BNC2: variants seen among roughly 807,000 people sequenced by gnomAD.
BNC2 encodes zinc finger protein basonuclin-2.
In BNC2, 20 loss-of-function variants were observed where a neutral mutation model predicts 76.3. The ratio of observed to expected loss-of-function variants is 0.26; its 90% CI spans 0.18 to 0.38. The LOEUF (loss-of-function observed/expected upper bound fraction) is 0.38, where lower values mean the gene tolerates loss of function less well. Among genes scored for constraint, BNC2 ranks in the 10% least tolerant of loss-of-function variants. The pLI is 1.00. For missense variants in BNC2, 1,382 were observed against 1,399.8 expected (o/e 0.99, Z 0.20); for synonymous variants, 582 against 514.8 (o/e 1.13, Z -1.77).
chr9:16,422,255 G>C (rs749394859), intron 6 of BNC2, among the ~76,000 whole-genome samples: 2 of 152,166 alleles, frequency 1.3e-5, no homozygotes, highest in African/African-American at 4.8e-5. Flanking sequence ...GAAATGTGTA[G>C]ACCAGCTCTG....
At chr9:16,644,763 C>CA (rs1821579213) in intron 3 of BNC2, among the ~76,000 whole-genome samples, 1 of 152,174 alleles carries the variant, frequency 6.6e-6, no homozygotes, top group Non-Finnish European at 1.5e-5. Flanking sequence ...GCCAGCCCAG[C>CA]AACTGTCAAG....
At chr9:16,813,663 T>G (rs1430947406) in intron 1 of BNC2, among the ~76,000 whole-genome samples, 1 of 152,210 alleles carries the variant, frequency 6.6e-6, no homozygotes, top group African/African-American at 2.4e-5. Context: ...ACAAAGCTTC[T>G]AGCTGCAATT....
In BNC2 at chr9:16,623,837, G is replaced by C. The variant is rs187931106; in HGVS notation, c.331-40752C>G. On this transcript the variant is annotated intron_variant, in intron 3 of 6. Transcript: ENST00000380672. ...AAAGGTAAAAAGGATTCAGTAAAAAGCAAAGCAGAAGGTAGGAAATAATGT... is the reference window on the plus strand; with the variant it reads ...AAAGGTAAAAAGGATTCAGTAAAAACCAAAGCAGAAGGTAGGAAATAATGT... Among the ~76,000 whole-genome samples the C allele has an allele frequency of 6.6e-5, 10 of 152,262 alleles. No individual in the cohort carries two copies. In the East Asian group the frequency reaches 1.9e-3, roughly 29 times the overall value.
intron 1 of BNC2, among the ~76,000 whole-genome samples, chr9:16,845,904 C>T (rs541501774): frequency 7.3e-5 from 11 of 151,100 alleles, no homozygotes; most frequent in African/African-American, 2.4e-4. Flanking sequence ...AATCCCAGCA[C>T]TTTGGGAGGC....
chr9:16,586,038 G>C (rs556135806), intron 3 of BNC2, among the ~76,000 whole-genome samples: 1 of 152,234 alleles, frequency 6.6e-6, no homozygotes, highest in South Asian at 2.1e-4. Context: ...AGCCTAACAA[G>C]GGTGCCAGGG....
chr9:16,461,365 C>G (rs1377842868), intron 5 of BNC2, among the ~76,000 whole-genome samples: 1 of 152,126 alleles, frequency 6.6e-6, no homozygotes, highest in African/African-American at 2.4e-5. Context: ...TCCAGAAGAA[C>G]AAGTACAGAA....
At chr9:16,513,131 A>G (rs1822798276) in intron 5 of BNC2, among the ~76,000 whole-genome samples, 1 of 152,108 alleles carries the variant, frequency 6.6e-6, no homozygotes, top group Admixed American at 6.5e-5. Flanking sequence ...CTCTGTCTCA[A>G]ATGAAATAAA....
intron 1 of BNC2, among the ~76,000 whole-genome samples, chr9:16,779,986 C>T (rs1188365235): frequency 2.0e-5 from 3 of 152,162 alleles, no homozygotes; most frequent in Non-Finnish European, 4.4e-5. Context: ...CCTGTGATCC[C>T]AGCACTTTGG....
At chr9:16,685,618 G>C in intron 3 of BNC2, 1 of 1,304,232 alleles carries the variant, frequency 7.7e-7, no homozygotes, top group Non-Finnish European at 1.0e-6. Flanking sequence ...GCCAGTACAT[G>C]CCAATGGAAC....
intron 4 of BNC2, among the ~76,000 whole-genome samples, chr9:16,567,205 T>C (rs1200987085): frequency 6.6e-6 from 1 of 152,194 alleles, no homozygotes; most frequent in Non-Finnish European, 1.5e-5. Context: ...AACTCATTTA[T>C]GTGGGAACAG....
intron 1 of BNC2, among the ~76,000 whole-genome samples, chr9:16,774,967 G>A (rs1825924626): frequency 6.6e-6 from 1 of 152,164 alleles, no homozygotes; most frequent in Admixed American, 6.5e-5. Context: ...TATCTGTCAT[G>A]TACAACAGTA....
chr9:16,842,897 G>T (rs767858538), intron 1 of BNC2, among the ~76,000 whole-genome samples: 7 of 152,222 alleles, frequency 4.6e-5, no homozygotes, highest in Middle Eastern at 6.8e-3. Flanking sequence ...GATTACAGGT[G>T]TGCACCACCA....
chr9:16,833,925 C>T (rs898140488), intron 1 of BNC2, among the ~76,000 whole-genome samples: 3 of 152,186 alleles, frequency 2.0e-5, no homozygotes, highest in Admixed American at 1.3e-4. Context: ...CCTGTCCACA[C>T]CTCCAATGTC....
Position 16,738,422 on chromosome 9 carries a change from C to T in BNC2, c.67G>A (p.Glu23Lys). Residue 23 changes from glutamate (E) to lysine (K), a missense_variant, in exon 2 of 7, where the codon GAG (glutamate) becomes AAG (lysine). By Grantham distance (56) the Glu-to-Lys change is moderately conservative. This residue lies in a region of BNC2 where 557 missense variants were observed against 540.9 expected (regional missense o/e 1.03). Transcript: ENST00000380672. The part of the protein sequence containing the change: ...LNYKSEDRLS[E>K]QDWPAYFKVP... ...TTGAAATATGCTGGCCAGTCTTGCT[C>T]ACTAAGCCTGTCCTCTGATTTGTAA... 2 of 1,614,086 alleles carry T rather than the reference C, an allele frequency of 1.2e-6. No homozygotes were observed. Among genetic ancestry groups the T allele is most frequent in the Non-Finnish European group, 1.7e-6 (2 of 1,179,976 alleles).
intron 3 of BNC2, among the ~76,000 whole-genome samples, chr9:16,664,851 C>A (rs1213176523): frequency 1.7e-5 from 2 of 116,172 alleles, no homozygotes; most frequent in Non-Finnish European, 3.6e-5. Flanking sequence ...AATGTGAGCA[C>A]CAGAATGCTT....
intron 1 of BNC2, 128 bp downstream of exon 1, chr9:16,870,518 C>T (rs1021680499): frequency 1.4e-5 from 15 of 1,047,426 alleles, no homozygotes; most frequent in Admixed American, 4.7e-5. Context: ...TCCTCAGCGC[C>T]CCTTGCCCCT....
At chr9:16,658,462 G>A (rs1208499508) in intron 3 of BNC2, among the ~76,000 whole-genome samples, 1 of 152,160 alleles carries the variant, frequency 6.6e-6, no homozygotes, top group East Asian at 1.9e-4. Context: ...CTGGTCAAAT[G>A]CTTGGGTAAA....
intron 5 of BNC2, among the ~76,000 whole-genome samples, chr9:16,465,434 C>CA (rs34834563): frequency 0.069 from 5,844 of 84,198 alleles, 580 homozygotes; most frequent in African/African-American, 0.21. Flanking sequence ...ACTCCAACTC[C>CA]AAAAAAAAAA....
chr9:16,482,268 T>C (rs1822072526), intron 5 of BNC2, among the ~76,000 whole-genome samples: 1 of 152,344 alleles, frequency 6.6e-6, no homozygotes, highest in African/African-American at 2.4e-5. Flanking sequence ...ATACTTCTGA[T>C]TAAATCAAAA....
Sources: gnomAD v4.1 joint callset for allele counts (sites outside exome capture counted in the v4.1 genomes callset) on GRCh38, gnomAD v4.1.1 for gene constraint, gnomAD v4.1.1 regional missense constraint, MANE v1.5 for transcripts, NCBI Gene and HGNC (gene_info 2026-07-23, HGNC 2026-07-21) for gene names.